The following TMBIM4 variants were observed in gnomAD, a reference collection of about 807,000 sequenced individuals.
TMBIM4 encodes the protein transmembrane BAX inhibitor motif containing 4.
Under a neutral mutation model 27.7 loss-of-function variants are expected in TMBIM4, and 28 were observed. The observed-to-expected ratio is 1.01, with a 90% CI of 0.75 to 1.38. The LOEUF (loss-of-function observed/expected upper bound fraction) is 1.38. Ranked by LOEUF, TMBIM4 falls within the 40% of genes most tolerant of loss-of-function variation. The pLI, the probability that TMBIM4 is intolerant of heterozygous loss-of-function variation, is 0.00. For synonymous variants in TMBIM4, 115 were observed against 113.1 expected (o/e 1.02, Z -0.11); for missense variants, 265 against 277.5 (o/e 0.95, Z 0.32).
intron 4 of TMBIM4, among the ~76,000 whole-genome samples, chr12:66,147,362 T>C (rs759556837): frequency 1.3e-5 from 2 of 152,172 alleles, no homozygotes; most frequent in Non-Finnish European, 2.9e-5. Context: ...CTTAATTTAC[T>C]GAAATTTTTT....
At chr12:66,160,653 A>G (rs1486396461) in intron 1 of TMBIM4, among the ~76,000 whole-genome samples, 1 of 152,252 alleles carries the variant, frequency 6.6e-6, no homozygotes, top group Non-Finnish European at 1.5e-5. Flanking sequence ...ATTCTCACAT[A>G]ATTTTTTTTA....
chr12:66,149,254 GAC>G (rs902774338), intron 3 of TMBIM4, among the ~76,000 whole-genome samples: 3 of 151,796 alleles, frequency 2.0e-5, no homozygotes, highest in African/African-American at 7.3e-5. Context: ...CAGCCTGGGT[GAC>G]ACAGCAAAAC....
chr12:66,147,971 G>A (rs2051779611), intron 3 of TMBIM4, 30 bp from the exon 4 acceptor site: 1 of 1,596,030 alleles, frequency 6.3e-7, no homozygotes, highest in Non-Finnish European at 8.6e-7. Context: ...ATTAGTGACT[G>A]TAAAATTTAT....
Position 66,145,951 on chromosome 12 carries a change from G to T in TMBIM4, c.354C>A (p.Phe118Leu). 1 of 1,506,170 alleles carries T rather than the reference G, an allele frequency of 6.6e-7. No individual in the cohort carries two copies. The highest frequency in any genetic ancestry group is 1.1e-5 in the South Asian group (1 of 86,992). The allele number at this position is 1,506,170 out of a possible 1,614,324, so 93.3% of individuals were successfully genotyped here. A position where few individuals can be genotyped will look rare whatever the true frequency, so the allele number is the denominator to read the frequency against. Residue 118 changes from phenylalanine (F) to leucine (L), a missense_variant, in exon 5 of 7, where the codon TTC (phenylalanine) becomes TTA (leucine). Coordinates refer to ENST00000358230, the MANE Select transcript of TMBIM4 (RefSeq NM_016056.4). The part of the protein sequence containing the change: ...EALTVAVVVT[F>L]YDVYIILQAF... ...CTTGCAGAATAATATATACATCATA[G>T]AAAGTAACTGTAAAATTAAAACACT...
intron 1 of TMBIM4, among the ~76,000 whole-genome samples, chr12:66,154,870 T>A (rs550190331): frequency 6.6e-6 from 1 of 152,326 alleles, no homozygotes; most frequent in African/African-American, 2.4e-5. Context: ...TTTTTCCCTC[T>A]GGCACTCTTT....
chr12:66,168,212 C>T (rs1253063781), intron 1 of TMBIM4, among the ~76,000 whole-genome samples: 1 of 150,282 alleles, frequency 6.7e-6, no homozygotes, highest in Admixed American at 6.6e-5. Flanking sequence ...CAAAGCGAGA[C>T]CCTGTCTCAA....
At chr12:66,150,341 AACCAAGTGT>A (rs956663218) in intron 3 of TMBIM4, among the ~76,000 whole-genome samples, 2 of 152,088 alleles carry the variant, frequency 1.3e-5, no homozygotes, top group Admixed American at 6.6e-5. Context: ...CTGTGCCAAC[AACCAAGTGT>A]ACCAATCAGA....
intron 1 of TMBIM4, among the ~76,000 whole-genome samples, chr12:66,157,532 T>C (rs1214343666): frequency 6.6e-6 from 1 of 152,184 alleles, no homozygotes; most frequent in African/African-American, 2.4e-5. Flanking sequence ...AAACAGAATA[T>C]ATATCTTGGT....
chr12:66,153,035 G>GATT (rs1328337423), intron 2 of TMBIM4, among the ~76,000 whole-genome samples: 1 of 151,994 alleles, frequency 6.6e-6, no homozygotes, highest in Non-Finnish European at 1.5e-5. Flanking sequence ...TTTGAGCACA[G>GATT]GGAATATAGT....
intron 3 of TMBIM4, among the ~76,000 whole-genome samples, chr12:66,149,061 G>A (rs1307450977): frequency 6.6e-6 from 1 of 152,144 alleles, no homozygotes. Context: ...ATTAGAAATT[G>A]TACATAGATG....
rs1343602507 is a variant in TMBIM4, at chr12:66,136,418, T to C, written c.*1542A>G. The stretch of plus-strand genomic sequence containing the variant: ...TACAAATCATGCAAGCTTAAATTGA[T>C]ACTACAAGTTTATTTCAACTTAATA... On this transcript the variant is annotated 3_prime_UTR_variant, in exon 7 of 7. Transcript: ENST00000358230. 1.9e-5 allele frequency: 3 copies of C among 154,400 alleles called. No homozygotes were observed. The highest frequency in any genetic ancestry group is 1.9e-4 in the East Asian group (1 of 5,196). 9.6% of individuals were successfully genotyped at this position (154,400 alleles called of 1,614,324 possible). A position where few individuals can be genotyped will look rare whatever the true frequency, so the allele number is the denominator to read the frequency against.
intron 1 of TMBIM4, chr12:66,169,389 A>G (rs2052193496): frequency 9.8e-6 from 6 of 613,414 alleles, no homozygotes; most frequent in African/African-American, 9.4e-5. Flanking sequence ...GGGAGCTTCC[A>G]GCCTAGCACA....
At chr12:66,165,469 G>A (rs1412170622) in intron 1 of TMBIM4, among the ~76,000 whole-genome samples, 10 of 149,180 alleles carry the variant, frequency 6.7e-5, no homozygotes, top group Admixed American at 6.7e-4. Flanking sequence ...CTAGGCTGGA[G>A]TGCAGTGGCA....
intron 5 of TMBIM4, among the ~76,000 whole-genome samples, chr12:66,144,495 G>T (rs1197710993): frequency 1.3e-5 from 2 of 152,064 alleles, no homozygotes; most frequent in East Asian, 1.9e-4. Flanking sequence ...GGGCAGAGAA[G>T]AACCATCCCT....
intron 1 of TMBIM4, among the ~76,000 whole-genome samples, chr12:66,165,648 C>T (rs1477740587): frequency 6.6e-6 from 1 of 152,074 alleles, no homozygotes; most frequent in East Asian, 1.9e-4. Flanking sequence ...GGCTATTTGT[C>T]TTCTTATCGT....
At chr12:66,153,669 T>TA (rs917400394) in intron 1 of TMBIM4, among the ~76,000 whole-genome samples, 10 of 151,856 alleles carry the variant, frequency 6.6e-5, no homozygotes, top group African/African-American at 2.2e-4. Flanking sequence ...AGCATGAGCC[T>TA]AAAAAAAATT....
In TMBIM4 at chr12:66,137,097, C is replaced by T. The variant is rs2051588890; in HGVS notation, c.*863G>A. ...TTTGTCATAATATCTGACTTTCAGG[C>T]CAACTTTTAATGTTAGTACAATTTA... On this transcript the variant is annotated 3_prime_UTR_variant, in exon 7 of 7. Transcript: ENST00000358230. The T allele has an allele frequency of 1.3e-5, 2 of 152,036 alleles. No homozygotes were observed. The highest frequency in any genetic ancestry group is 6.5e-5 in the Admixed American group (1 of 15,270). 9.4% of individuals were successfully genotyped at this position (152,036 alleles called of 1,614,324 possible). A position where few individuals can be genotyped will look rare whatever the true frequency, so the allele number is the denominator to read the frequency against.
At chr12:66,156,221 C>T (rs150911363) in intron 1 of TMBIM4, among the ~76,000 whole-genome samples, 1 of 152,276 alleles carries the variant, frequency 6.6e-6, no homozygotes, top group African/African-American at 2.4e-5. Context: ...TTGTTGAGTC[C>T]TGATTTCTTC....
intron 3 of TMBIM4, among the ~76,000 whole-genome samples, chr12:66,150,573 T>C (rs992322823): frequency 6.6e-6 from 1 of 151,708 alleles, no homozygotes; most frequent in Non-Finnish European, 1.5e-5. Flanking sequence ...CCATAACATC[T>C]GGCTAATTTT....
Sources: allele counts gnomAD v4.1 joint callset (sites outside exome capture counted in the v4.1 genomes callset), GRCh38; gene constraint gnomAD v4.1.1; transcripts MANE v1.5; gene names NCBI Gene and HGNC (gene_info 2026-07-23, HGNC 2026-07-21).